LSM4: variants seen among roughly 807,000 people sequenced by gnomAD.
LSM4 encodes the protein LSM4 homolog, U6 small nuclear RNA and mRNA degradation associated, also known as U6 snRNA-associated Sm-like protein LSm4.
In LSM4, 15 loss-of-function variants were observed where a neutral mutation model predicts 22.3. The observed-to-expected ratio is 0.67, with a 90% confidence interval of 0.45 to 1.03. LSM4 has a LOEUF of 1.03. Among genes scored for constraint, LSM4 ranks in the 50% least tolerant of loss-of-function variants. The probability of loss-of-function intolerance (pLI) is 0.00; values close to 1 mark genes in which losing one functional copy is unlikely to be tolerated. For synonymous variants in LSM4, 90 were observed against 79.8 expected (o/e 1.13, Z -0.68); for missense variants, 127 against 198.0 (o/e 0.64, Z 2.15).
chr19:18,316,264 A>G, intron 1 of LSM4, 199 bp from the exon 2 acceptor site: 1 of 510,344 alleles, frequency 2.0e-6, no homozygotes, highest in South Asian at 2.5e-5. Context: ...CAGATTAGGA[A>G]GAAAAGCCTC....
intron 1 of LSM4, among the ~76,000 whole-genome samples, chr19:18,319,623 C>T (rs549045735): frequency 6.6e-6 from 1 of 152,336 alleles, no homozygotes; most frequent in South Asian, 2.1e-4. Flanking sequence ...TCTCACAACA[C>T]TCCTCAGGCC....
At chr19:18,310,891 C>A (rs188127871) in intron 3 of LSM4, among the ~76,000 whole-genome samples, 1 of 152,220 alleles carries the variant, frequency 6.6e-6, no homozygotes, top group Non-Finnish European at 1.5e-5. Context: ...GAACACACGC[C>A]ATGGGCTTGC....
At chr19:18,321,978 T>A (rs1483761680) in intron 1 of LSM4, among the ~76,000 whole-genome samples, 1 of 152,170 alleles carries the variant, frequency 6.6e-6, no homozygotes, top group Non-Finnish European at 1.5e-5. Context: ...TGAGCAATAA[T>A]AAAACTCTGG....
chr19:18,309,731 C>G lies in LSM4; in HGVS notation c.275G>C (p.Gly92Ala). ...EVVAKGRGRG[G>A]LQQQKQQKGR... ...TTTCTGCTGCTTCTGCTGCTGCAGG[C>G]CTCCGCGGCCGCGGCCCTTGGCCAC... Residue 92 changes from glycine to alanine, a missense_variant, in exon 4 of 5, where the codon GGC (glycine) becomes GCC (alanine). Gly to Ala is a moderately conservative substitution (Grantham distance 60, BLOSUM62 0). Coordinates refer to ENST00000593829, the MANE Select transcript of LSM4 (RefSeq NM_012321.5). The G allele has an allele frequency of 6.2e-7, 1 of 1,612,854 alleles. No homozygotes were observed. The highest frequency in any genetic ancestry group is 8.5e-7 in the Non-Finnish European group (1 of 1,179,544).
intron 3 of LSM4, among the ~76,000 whole-genome samples, chr19:18,310,880 G>A (rs16982307): frequency 0.12 from 18,760 of 152,224 alleles, 1,253 homozygotes; most frequent in Middle Eastern, 0.2. Flanking sequence ...TTCTGTTTCC[G>A]GAACACACGC....
rs1007315084 is a variant in LSM4 at position 18,307,405 on chromosome 19, T to C, written c.*59A>G. On this transcript the variant is annotated 3_prime_UTR_variant, in exon 5 of 5. Coordinates refer to ENST00000593829, the MANE Select transcript of LSM4 (RefSeq NM_012321.5). ...CTTTCTGAGCAGATCCGTCCGAGAC[T>C]GTGGAGCGGAATCGCCACCCTGGCA... is the stretch of plus-strand genomic sequence containing the variant. 5.0e-6 allele frequency: 7 copies of C among 1,389,360 alleles called. No individual in the cohort carries two copies. Among genetic ancestry groups the C allele is most frequent in the African/African-American group, 1.5e-5 (1 of 67,970 alleles). 86.1% of individuals were successfully genotyped at this position (1,389,360 alleles called of 1,614,324 possible). A position where few individuals can be genotyped will look rare whatever the true frequency, so the allele number is the denominator to read the frequency against.
At chr19:18,320,704 T>A (rs2148147827) in intron 1 of LSM4, among the ~76,000 whole-genome samples, 1 of 151,936 alleles carries the variant, frequency 6.6e-6, no homozygotes, top group South Asian at 2.1e-4. Context: ...GAGGCTGAGG[T>A]AGGAGAATCA....
intron 1 of LSM4, among the ~76,000 whole-genome samples, chr19:18,317,807 A>G (rs986135131): frequency 6.6e-6 from 1 of 152,152 alleles, no homozygotes; most frequent in Non-Finnish European, 1.5e-5. Context: ...CTGGAATTAT[A>G]GGTATGCACC....
At chr19:18,317,863 C>A (rs894464298) in intron 1 of LSM4, among the ~76,000 whole-genome samples, 2 of 152,084 alleles carry the variant, frequency 1.3e-5, no homozygotes, top group African/African-American at 2.4e-5. Context: ...TACTGAATTT[C>A]TTTATTATGT....
Position 18,312,527 on chromosome 19 carries a change from T to A in LSM4, c.144+77A>T, listed in dbSNP as rs531074745. 2.2e-5 allele frequency: 27 copies of A among 1,252,702 alleles called. No individual in the cohort carries two copies. The Admixed American group carries it at 4.4e-4, about 21-fold the overall frequency. 77.6% of individuals were successfully genotyped at this position (1,252,702 alleles called of 1,614,324 possible). A position where few individuals can be genotyped will look rare whatever the true frequency, so the allele number is the denominator to read the frequency against. On this transcript the variant is annotated intron_variant, in intron 3 of 4. Transcript: ENST00000593829. ...CGGCCTCCCCCACTGACTCCTCCCATGAGGCCCAGGGAGGGAGGGAGGAGG... is the reference window on the plus strand; with the variant it reads ...CGGCCTCCCCCACTGACTCCTCCCAAGAGGCCCAGGGAGGGAGGGAGGAGG...
At chr19:18,321,194 G>C (rs73007717) in intron 1 of LSM4, among the ~76,000 whole-genome samples, 11,101 of 152,246 alleles carry the variant, frequency 0.073, 470 homozygotes, top group Non-Finnish European at 0.084. Flanking sequence ...CTTTGCCCAC[G>C]CACCGTTCTA....
Position 18,307,496 on chromosome 19 carries a change from T to C in LSM4, c.388A>G (p.Lys130Glu). The part of the protein sequence containing the change: ...IPGTGRGQPE[K>E]KPGRQAGKQ ...TTGCCCGCCTGTCTGCCAGGCTTCT[T>C]CTCTGGCTGGCCTCTGCCTGTGCCC... The change falls in exon 5 of 5, where the codon AAG becomes GAG. Residue 130 changes from lysine (K) to glutamate (E), a missense_variant. By Grantham distance (56) the Lys-to-Glu change is moderately conservative. Coordinates refer to ENST00000593829, the MANE Select transcript of LSM4 (RefSeq NM_012321.5). The C allele has an allele frequency of 6.4e-7, 1 of 1,555,326 alleles. No homozygotes were observed. The highest frequency in any genetic ancestry group is 1.2e-5 in the South Asian group (1 of 83,664).
At chr19:18,322,389 T>A (rs1970434074) in intron 1 of LSM4, among the ~76,000 whole-genome samples, 1 of 152,172 alleles carries the variant, frequency 6.6e-6, no homozygotes, top group Non-Finnish European at 1.5e-5. Flanking sequence ...TGCAGAGACC[T>A]GGGCCGCAAT....
chr19:18,314,542 G>A (rs935484030), intron 2 of LSM4, among the ~76,000 whole-genome samples: 11 of 151,830 alleles, frequency 7.2e-5, no homozygotes, highest in Admixed American at 2.6e-4. Flanking sequence ...GTAAGTATCC[G>A]CTCCACGGAG....
At chr19:18,308,629 G>A (rs1970260013) in intron 4 of LSM4, among the ~76,000 whole-genome samples, 1 of 152,188 alleles carries the variant, frequency 6.6e-6, no homozygotes, top group South Asian at 2.1e-4. Flanking sequence ...GGGGACAGGA[G>A]GACTGACCCC....
chr19:18,320,371 G>C (rs1375073218), intron 1 of LSM4, among the ~76,000 whole-genome samples: 1 of 152,190 alleles, frequency 6.6e-6, no homozygotes, highest in Non-Finnish European at 1.5e-5. Flanking sequence ...GCCAGGTTTA[G>C]TGATGCATGC....
chr19:18,307,786 CGGGG>C (rs35068456), intron 4 of LSM4, among the ~76,000 whole-genome samples: 2 of 150,178 alleles, frequency 1.3e-5, no homozygotes, highest in Non-Finnish European at 3.0e-5. Flanking sequence ...CCCAGGGATG[CGGGG>C]GGGGGGGACT....
At chr19:18,317,221 C>T (rs1970366155) in intron 1 of LSM4, among the ~76,000 whole-genome samples, 2 of 151,804 alleles carry the variant, frequency 1.3e-5, no homozygotes, top group African/African-American at 4.8e-5. Context: ...GGGGTTTCTC[C>T]ATGTTGGCCA....
At chr19:18,308,882 C>T (rs975933132) in intron 4 of LSM4, among the ~76,000 whole-genome samples, 3 of 152,176 alleles carry the variant, frequency 2.0e-5, no homozygotes, top group African/African-American at 4.8e-5. Context: ...GCTATCTGCA[C>T]TCCATGGCCC....
Sources: allele counts gnomAD v4.1 joint callset (sites outside exome capture counted in the v4.1 genomes callset), GRCh38; gene constraint gnomAD v4.1.1; transcripts MANE v1.5; gene names NCBI Gene and HGNC (gene_info 2026-07-23, HGNC 2026-07-21).